Variants in CFAP299 observed in about 807,000 individuals in gnomAD.
CFAP299 encodes the protein cilia- and flagella-associated protein 299.
A neutral mutation model predicts 27.0 loss-of-function variants in CFAP299; 21 were observed. That is an observed-to-expected ratio of 0.78 (90% CI 0.55 to 1.12). The LOEUF is 1.12. CFAP299 is among the 50% of genes most tolerant of loss of function. CFAP299 has a pLI of 0.00. For missense variants in CFAP299, 310 were observed against 276.6 expected, an observed-to-expected ratio of 1.12 and a Z score of -0.86; for synonymous variants, 104 against 98.1, an observed-to-expected ratio of 1.06 and a Z score of -0.36.
chr4:80,803,377 T>A (rs984651790), intron 3 of CFAP299, among the ~76,000 whole-genome samples: 1 of 152,092 alleles, frequency 6.6e-6, no homozygotes, highest in Non-Finnish European at 1.5e-5. Context: ...TAGGATTTTG[T>A]TGAGGAAATT....
chr4:80,812,408 C>T (rs977823834), intron 3 of CFAP299, among the ~76,000 whole-genome samples: 3 of 151,976 alleles, frequency 2.0e-5, no homozygotes, highest in Non-Finnish European at 4.4e-5. Context: ...CCTCCCTTAT[C>T]CTAGGATTGA....
chr4:80,864,167 T>C (rs112573234), intron 3 of CFAP299, among the ~76,000 whole-genome samples: 1,650 of 152,094 alleles, frequency 0.011, 26 homozygotes, highest in African/African-American at 0.037. Context: ...AAGTAAACTA[T>C]ACTTAAATAA....
chr4:80,887,075 G>A (rs1469525576), intron 4 of CFAP299, among the ~76,000 whole-genome samples: 3 of 152,002 alleles, frequency 2.0e-5, no homozygotes, highest in Non-Finnish European at 4.4e-5. Flanking sequence ...GCATACCCAT[G>A]GAATCTAGAA....
intron 3 of CFAP299, among the ~76,000 whole-genome samples, chr4:80,667,450 TG>T (rs1741198503): frequency 6.6e-6 from 1 of 152,182 alleles, no homozygotes; most frequent in South Asian, 2.1e-4. Flanking sequence ...TCTATCAAAC[TG>T]TGTGTTGTAT....
At chr4:80,677,000 G>C (rs1298681327) in intron 3 of CFAP299, among the ~76,000 whole-genome samples, 2 of 151,702 alleles carry the variant, frequency 1.3e-5, no homozygotes, top group Non-Finnish European at 2.9e-5. Flanking sequence ...GGTTTGGCTT[G>C]TTCTTGCTTT....
rs565119268 is a variant in CFAP299, at chr4:80,755,274, T to A, written c.334-114719T>A. On this transcript the variant is annotated intron_variant, in intron 3 of 5. Transcript: ENST00000358105. Reference sequence around the variant, plus strand: ...TTAGGCTGCATGTAAAATTGGCTCCTATAGAGTCAGTTCTAACAACAGCAA... The same window carrying A: ...TTAGGCTGCATGTAAAATTGGCTCCAATAGAGTCAGTTCTAACAACAGCAA... Among the ~76,000 whole-genome samples the A allele has an allele frequency of 3.3e-5, 5 of 152,142 alleles. No individual in the cohort carries two copies. In the South Asian group the frequency reaches 1.0e-3, roughly 32 times the overall value.
At position 80,816,189 on chromosome 4, in the gene CFAP299, G is replaced by A. The variant is rs185024035; in HGVS notation, c.334-53804G>A. 9.3e-4 allele frequency among the ~76,000 whole-genome samples: 142 copies of A among 152,148 alleles called. 1 individual carries two copies. The highest frequency in any genetic ancestry group is 3.4e-3 in the Middle Eastern group (1 of 292). ...TGGAATAAAAATTCATATAAAATAT[G>A]TGCAAATATTTCACAAAACCAACTT... On this transcript the variant is annotated intron_variant, in intron 3 of 5. Coordinates refer to ENST00000358105, the MANE Select transcript of CFAP299 (RefSeq NM_152770.3).
intron 3 of CFAP299, among the ~76,000 whole-genome samples, chr4:80,752,177 C>T (rs190947382): frequency 1.3e-5 from 2 of 152,108 alleles, no homozygotes; most frequent in East Asian, 1.9e-4. Context: ...CCCGGTAGGC[C>T]ATCTCCTCCA....
At chr4:80,902,439 T>A in intron 4 of CFAP299, among the ~76,000 whole-genome samples, 1 of 116,908 alleles carries the variant, frequency 8.6e-6, no homozygotes, top group Admixed American at 7.8e-5. Flanking sequence ...TATGTAAGTA[T>A]ATATGGATAT....
At chr4:80,358,797 C>T (rs887774147) in intron 1 of CFAP299, among the ~76,000 whole-genome samples, 6 of 152,040 alleles carry the variant, frequency 3.9e-5, no homozygotes, top group Non-Finnish European at 7.4e-5. Flanking sequence ...GTCTTCTAAT[C>T]GGACCTTTTA....
At chr4:80,885,489 G>A (rs1227620142) in intron 4 of CFAP299, among the ~76,000 whole-genome samples, 2 of 152,174 alleles carry the variant, frequency 1.3e-5, no homozygotes, top group Admixed American at 6.5e-5. Context: ...GGTCAGGAGA[G>A]AGAAAAGAGG....
intron 4 of CFAP299, among the ~76,000 whole-genome samples, chr4:80,914,085 T>G (rs1198609868): frequency 1.3e-5 from 2 of 152,242 alleles, no homozygotes; most frequent in Non-Finnish European, 2.9e-5. Context: ...GATTTGTTCA[T>G]TCATTCACCA....
intron 3 of CFAP299, among the ~76,000 whole-genome samples, chr4:80,771,619 A>G (rs1726221507): frequency 1.3e-5 from 2 of 152,224 alleles, no homozygotes; most frequent in Non-Finnish European, 2.9e-5. Flanking sequence ...CAGGGTGACT[A>G]TAAGCATCTA....
At chr4:80,398,817 A>C (rs886115494) in intron 2 of CFAP299, among the ~76,000 whole-genome samples, 2 of 152,236 alleles carry the variant, frequency 1.3e-5, no homozygotes, top group African/African-American at 4.8e-5. Flanking sequence ...AAGCAATGAC[A>C]ACAAAAGCCA....
intron 4 of CFAP299, among the ~76,000 whole-genome samples, chr4:80,904,585 A>G (rs1040146298): frequency 3.3e-5 from 5 of 151,854 alleles, no homozygotes; most frequent in Admixed American, 6.6e-5. Context: ...ATATGGTAAG[A>G]TCTGGAGGGA....
intron 4 of CFAP299, among the ~76,000 whole-genome samples, chr4:80,940,374 T>G (rs547843043): frequency 6.6e-6 from 1 of 152,328 alleles, no homozygotes; most frequent in East Asian, 1.9e-4. Flanking sequence ...CTCACTCAGC[T>G]ATCATTTTCC....
intron 3 of CFAP299, among the ~76,000 whole-genome samples, chr4:80,591,354 A>G (rs986226201): frequency 6.6e-6 from 1 of 151,522 alleles, no homozygotes; most frequent in South Asian, 2.1e-4. Flanking sequence ...CGATCTCCTG[A>G]CCTCGTGATC....
chr4:80,397,608 C>A (rs142442977), intron 2 of CFAP299, among the ~76,000 whole-genome samples: 5 of 152,142 alleles, frequency 3.3e-5, no homozygotes, highest in Non-Finnish European at 7.4e-5. Context: ...TCAATAGATG[C>A]AGAAAACGCC....
chr4:80,725,348 T>A (rs1265576820), intron 3 of CFAP299, among the ~76,000 whole-genome samples: 3 of 152,032 alleles, frequency 2.0e-5, no homozygotes, highest in African/African-American at 7.2e-5. Flanking sequence ...AATTTCTATT[T>A]TTTTCTTCAT....
Sources: allele counts gnomAD v4.1 joint callset (sites outside exome capture counted in the v4.1 genomes callset), GRCh38; gene constraint gnomAD v4.1.1; transcripts MANE v1.5; gene names NCBI Gene and HGNC (gene_info 2026-07-23, HGNC 2026-07-21).